Variants in ITGB5 observed in about 807,000 individuals in gnomAD.
ITGB5 encodes the protein integrin beta-5.
ITGB5 carries 38 observed loss-of-function variants against 84.8 expected under a neutral mutation model. The observed-to-expected ratio is 0.45, with a 90% CI of 0.35 to 0.59. The LOEUF is 0.59. Ranked by LOEUF, ITGB5 falls within the 20% of genes least tolerant of loss-of-function variation. The probability of loss-of-function intolerance (pLI) is 0.01; values close to 1 mark genes in which losing one functional copy is unlikely to be tolerated. For missense variants in ITGB5, 905 were observed against 1,034.5 expected, an observed-to-expected ratio of 0.87 and a Z score of 1.72; for synonymous variants, 393 against 414.4, an observed-to-expected ratio of 0.95 and a Z score of 0.63.
chr3:124,765,731 G>A (rs1488892139), intron 13 of ITGB5, among the ~76,000 whole-genome samples: 1 of 152,114 alleles, frequency 6.6e-6, no homozygotes, highest in Non-Finnish European at 1.5e-5. Flanking sequence ...TCTAGGAGTG[G>A]AGCAGCAGTG....
At chr3:124,898,643 CAAAAAAAA>C (rs68025034) in intron 1 of ITGB5, among the ~76,000 whole-genome samples, 11 of 29,270 alleles carry the variant, frequency 3.8e-4, no homozygotes, top group Admixed American at 1.2e-3. Context: ...GACTCCGTCT[CAAAAAAAA>C]AAAAAAAAAA....
chr3:124,764,573 G>C lies in ITGB5; in HGVS notation c.2138-16C>G, dbSNP rs61761679. 54,112 of 1,592,366 alleles carry C rather than the reference G, an allele frequency of 0.034. 1,177 individuals carry two copies. Among genetic ancestry groups the C allele is most frequent in the Non-Finnish European group, 0.039 (44,966 of 1,162,758 alleles). ...TTTCCACACTCTGGGGGGACCAGAA[G>C]CATGGTAAGCAAAGCCACTAGCATC... On this transcript the variant is annotated splice_polypyrimidine_tract_variant and intron_variant, in intron 13 of 14. Coordinates refer to ENST00000296181, the MANE Select transcript of ITGB5 (RefSeq NM_002213.5).
At chr3:124,818,771 G>A (rs1191297290) in intron 7 of ITGB5, among the ~76,000 whole-genome samples, 1 of 152,114 alleles carries the variant, frequency 6.6e-6, no homozygotes, top group Non-Finnish European at 1.5e-5. Flanking sequence ...AACTAAAGGA[G>A]GATAAAGAAC....
intron 12 of ITGB5, among the ~76,000 whole-genome samples, chr3:124,767,580 AG>A (rs1314406606): frequency 6.6e-6 from 1 of 152,128 alleles, no homozygotes; most frequent in African/African-American, 2.4e-5. Context: ...GTGCCTAGTT[AG>A]GGGCAACCAG....
At chr3:124,838,687 C>T (rs56108819) in intron 5 of ITGB5, among the ~76,000 whole-genome samples, 19,951 of 151,938 alleles carry the variant, frequency 0.13, 1,734 homozygotes, top group Non-Finnish European at 0.19. Context: ...CTGAAAGCTC[C>T]GCCTCCGGGG....
intron 2 of ITGB5, among the ~76,000 whole-genome samples, chr3:124,864,383 G>A (rs1029272996): frequency 6.6e-6 from 1 of 152,008 alleles, no homozygotes; most frequent in East Asian, 1.9e-4. Flanking sequence ...TGGGATTACA[G>A]GTGTGAGCCA....
chr3:124,895,320 G>GA (rs1579353696), intron 1 of ITGB5, among the ~76,000 whole-genome samples: 1 of 152,290 alleles, frequency 6.6e-6, no homozygotes, highest in East Asian at 1.9e-4. Context: ...TCAACCTTGT[G>GA]GGCTCCGGCA....
intron 2 of ITGB5, among the ~76,000 whole-genome samples, chr3:124,864,067 A>C (rs1333346192): frequency 6.7e-6 from 1 of 148,842 alleles, no homozygotes; most frequent in Non-Finnish European, 1.5e-5. Context: ...AGAAAGAAAG[A>C]AAGAAAAAAT....
chr3:124,854,800 C>CT (rs1221637760), intron 3 of ITGB5, among the ~76,000 whole-genome samples: 1 of 152,156 alleles, frequency 6.6e-6, no homozygotes, highest in Non-Finnish European at 1.5e-5. Context: ...AAATGTCCTG[C>CT]TTAAAGTAGA....
chr3:124,769,003 G>C lies in ITGB5; in HGVS notation c.2017+10C>G. On this transcript the variant is annotated intron_variant, in intron 12 of 14. Transcript: ENST00000296181. ...AACCGTGACTGCCCGGGTGGTGGCA[G>C]CACACTCACCGATGGTGTCCACCCA... 6.2e-7 allele frequency: 1 copy of C among 1,602,030 alleles called. No homozygotes were observed. The highest frequency in any genetic ancestry group is 8.5e-7 in the Non-Finnish European group (1 of 1,170,796).
chr3:124,855,078 C>T (rs766626225), intron 3 of ITGB5, among the ~76,000 whole-genome samples: 1 of 152,016 alleles, frequency 6.6e-6, no homozygotes, highest in Non-Finnish European at 1.5e-5. Context: ...TTTGGGAGGC[C>T]GAGGTGGGCA....
intron 11 of ITGB5, among the ~76,000 whole-genome samples, chr3:124,770,931 G>A (rs902619843): frequency 2.9e-5 from 4 of 136,510 alleles, no homozygotes; most frequent in Non-Finnish European, 6.2e-5. Context: ...TCCCAGATTA[G>A]CACAGGGCTA....
chr3:124,867,023 T>C (rs1559977955), intron 2 of ITGB5, among the ~76,000 whole-genome samples: 1 of 152,160 alleles, frequency 6.6e-6, no homozygotes, highest in Non-Finnish European at 1.5e-5. Context: ...TTCTTTTCAT[T>C]TCAGTTGGCC....
intron 2 of ITGB5, among the ~76,000 whole-genome samples, chr3:124,865,481 CTTTTTT>C (rs59446328): frequency 3.2e-5 from 3 of 93,296 alleles, no homozygotes; most frequent in Admixed American, 2.6e-4. Flanking sequence ...CGGCTTTTTT[CTTTTTT>C]TTTTTTTTTT....
At chr3:124,853,991 T>C (rs565380474) in intron 3 of ITGB5, among the ~76,000 whole-genome samples, 2 of 152,372 alleles carry the variant, frequency 1.3e-5, no homozygotes, top group Admixed American at 6.5e-5. Context: ...CCTTTAGCTT[T>C]TGACGGTTCT....
chr3:124,796,162 G>T (rs115649440), intron 10 of ITGB5, among the ~76,000 whole-genome samples: 3 of 152,178 alleles, frequency 2.0e-5, no homozygotes, highest in African/African-American at 7.2e-5. Flanking sequence ...CAGGCCCCTC[G>T]AATTCTGAGA....
intron 7 of ITGB5, among the ~76,000 whole-genome samples, chr3:124,817,924 T>C (rs2064631772): frequency 6.6e-6 from 1 of 152,128 alleles, no homozygotes; most frequent in South Asian, 2.1e-4. Context: ...TATCCAGCCC[T>C]ATAGATCCAT....
chr3:124,856,822 T>C (rs1419018012), intron 3 of ITGB5, among the ~76,000 whole-genome samples: 1 of 152,194 alleles, frequency 6.6e-6, no homozygotes, highest in Non-Finnish European at 1.5e-5. Flanking sequence ...CATAAGAGAT[T>C]TCTCTTTCCC....
At chr3:124,768,463 T>A (rs546942829) in intron 12 of ITGB5, among the ~76,000 whole-genome samples, 1 of 152,342 alleles carries the variant, frequency 6.6e-6, no homozygotes, top group Admixed American at 6.5e-5. Context: ...TCTGTCTCCA[T>A]GGCTTTCTCT....
Sources: gnomAD v4.1 joint callset for allele counts (sites outside exome capture counted in the v4.1 genomes callset) on GRCh38, gnomAD v4.1.1 for gene constraint, MANE v1.5 for transcripts, NCBI Gene and HGNC (gene_info 2026-07-23, HGNC 2026-07-21) for gene names.